Variants in MMP16 observed in about 807,000 individuals in gnomAD.
The protein encoded by MMP16 is matrix metalloproteinase-16.
Under a neutral mutation model 67.8 loss-of-function variants are expected in MMP16, and 12 were observed. The observed-to-expected ratio is 0.18, with a 90% confidence interval of 0.11 to 0.29. MMP16 has a LOEUF of 0.29. Among genes scored for constraint, MMP16 ranks in the 10% least tolerant of loss-of-function variants. MMP16 has a pLI of 1.00. For missense variants in MMP16, 475 were observed against 765.7 expected, an observed-to-expected ratio of 0.62 and a Z score of 4.48; for synonymous variants, 249 against 255.9, an observed-to-expected ratio of 0.97 and a Z score of 0.26.
chr8:88,046,380 T>G (rs1431306936), intron 9 of MMP16, among the ~76,000 whole-genome samples: 1 of 152,204 alleles, frequency 6.6e-6, no homozygotes, highest in Non-Finnish European at 1.5e-5. Context: ...TTTACAGGAA[T>G]TTTAATAGAA....
At chr8:88,282,622 C>T (rs1810759393) in intron 1 of MMP16, among the ~76,000 whole-genome samples, 2 of 152,096 alleles carry the variant, frequency 1.3e-5, no homozygotes, top group South Asian at 2.1e-4. Context: ...AAGTTACTTC[C>T]CCCTGAATTA....
chr8:88,197,596 TA>T (rs1472885916), intron 1 of MMP16, among the ~76,000 whole-genome samples: 2 of 152,288 alleles, frequency 1.3e-5, no homozygotes, highest in East Asian at 3.9e-4. Context: ...AAATACTGGA[TA>T]AAAACTTAAG....
At chr8:88,078,851 T>C (rs1208747668) in intron 6 of MMP16, among the ~76,000 whole-genome samples, 1 of 152,218 alleles carries the variant, frequency 6.6e-6, no homozygotes, top group Non-Finnish European at 1.5e-5. Flanking sequence ...CAGTTGTTCT[T>C]TGGGCCCTCC....
intron 1 of MMP16, among the ~76,000 whole-genome samples, chr8:88,249,744 G>C (rs1451963175): frequency 6.6e-6 from 1 of 152,058 alleles, no homozygotes; most frequent in Non-Finnish European, 1.5e-5. Flanking sequence ...TGGCTGTAGA[G>C]CTCCACACCA....
intron 4 of MMP16, among the ~76,000 whole-genome samples, chr8:88,122,178 G>C (rs535550804): frequency 2.6e-5 from 4 of 152,020 alleles, no homozygotes; most frequent in Non-Finnish European, 5.9e-5. Flanking sequence ...ATGTTTCAAT[G>C]AATTACAGTT....
At chr8:88,212,819 T>G (rs28904628) in intron 1 of MMP16, among the ~76,000 whole-genome samples, 162 of 152,206 alleles carry the variant, frequency 1.1e-3, no homozygotes, top group Non-Finnish European at 1.9e-3. Context: ...TACTGGTAAA[T>G]GAAAACACAC....
At chr8:88,065,750 C>T (rs528075663) in intron 7 of MMP16, among the ~76,000 whole-genome samples, 1 of 152,022 alleles carries the variant, frequency 6.6e-6, no homozygotes, top group Non-Finnish European at 1.5e-5. Context: ...TTCATGAATA[C>T]TCCCTAAACC....
intron 1 of MMP16, among the ~76,000 whole-genome samples, chr8:88,230,660 C>A (rs1316162793): frequency 1.6e-4 from 24 of 151,492 alleles, no homozygotes; most frequent in Admixed American, 1.6e-3. Context: ...AGAAAGTCAA[C>A]CATACATAAG....
chr8:88,106,051 G>GTATATATATATATA (rs34758855), intron 6 of MMP16, among the ~76,000 whole-genome samples: 292 of 145,402 alleles, frequency 2.0e-3, no homozygotes, highest in African/African-American at 7.1e-3. Context: ...TACACGTTAT[G>GTATATATATATATA]TATATATATA....
At chr8:88,302,025 C>A (rs920554217) in intron 1 of MMP16, among the ~76,000 whole-genome samples, 5 of 152,172 alleles carry the variant, frequency 3.3e-5, no homozygotes, top group African/African-American at 1.2e-4. Flanking sequence ...TTTGTTCACT[C>A]CAGCTCACTT....
intron 6 of MMP16, among the ~76,000 whole-genome samples, chr8:88,101,400 T>C (rs769494313): frequency 8.5e-5 from 13 of 152,056 alleles, no homozygotes; most frequent in East Asian, 2.0e-4. Context: ...GCATTTCTAA[T>C]AGTAACTGCA....
intron 3 of MMP16, among the ~76,000 whole-genome samples, chr8:88,178,696 T>G (rs996061827): frequency 1.1e-4 from 17 of 152,172 alleles, no homozygotes; most frequent in Non-Finnish European, 2.2e-4. Flanking sequence ...TGTAATAAGT[T>G]TATTTTCTAT....
rs1053205078 is a variant in MMP16 at position 88,327,285 on chromosome 8, T to C, written c.-79A>G. ...CCCTCTCCCTCCCTCCCTCGTTTCC[T>C]TTCAAAAAAAAGTCCTCCGGGTGGG... On this transcript the variant is annotated 5_prime_UTR_variant, in exon 1 of 10. Coordinates refer to ENST00000286614, the MANE Select transcript of MMP16 (RefSeq NM_005941.5). The C allele has an allele frequency of 3.8e-6, 6 of 1,584,508 alleles. No homozygotes were observed. In the African/African-American group the frequency reaches 6.8e-5, roughly 18 times the overall value.
At chr8:88,276,176 T>C (rs909186436) in intron 1 of MMP16, among the ~76,000 whole-genome samples, 3 of 152,088 alleles carry the variant, frequency 2.0e-5, no homozygotes, top group African/African-American at 4.8e-5. Flanking sequence ...GAAGCCATGA[T>C]GAGTTTCTTA....
At chr8:88,183,655 C>T (rs1224007530) in intron 3 of MMP16, among the ~76,000 whole-genome samples, 6 of 150,114 alleles carry the variant, frequency 4.0e-5, no homozygotes, top group Non-Finnish European at 5.9e-5. Flanking sequence ...AACTATATAA[C>T]GAAAGTGTAG....
At chr8:88,125,346 A>ATAATC (rs1807909494) in intron 4 of MMP16, among the ~76,000 whole-genome samples, 1 of 151,906 alleles carries the variant, frequency 6.6e-6, no homozygotes, top group Non-Finnish European at 1.5e-5. Flanking sequence ...ATCTGTTTGG[A>ATAATC]TGTGGTTTAA....
At chr8:88,185,288 G>T (rs1252394493) in intron 3 of MMP16, among the ~76,000 whole-genome samples, 1 of 151,944 alleles carries the variant, frequency 6.6e-6, no homozygotes. Context: ...GGGAAATCCT[G>T]TGTCTACAAA....
chr8:88,230,020 A>C (rs2129870220), intron 1 of MMP16, among the ~76,000 whole-genome samples: 1 of 152,268 alleles, frequency 6.6e-6, no homozygotes, highest in Admixed American at 6.5e-5. Flanking sequence ...TAAAGCATTC[A>C]GAAATAAAAT....
chr8:88,255,825 A>G (rs1398947430), intron 1 of MMP16, among the ~76,000 whole-genome samples: 1 of 152,174 alleles, frequency 6.6e-6, no homozygotes, highest in Non-Finnish European at 1.5e-5. Context: ...TTCCCCCACT[A>G]AGGCACATGG....
Sources: allele counts gnomAD v4.1 joint callset (sites outside exome capture counted in the v4.1 genomes callset), GRCh38; gene constraint gnomAD v4.1.1; transcripts MANE v1.5; gene names NCBI Gene and HGNC (gene_info 2026-07-23, HGNC 2026-07-21).